NOX4: variants seen among roughly 807,000 people sequenced by gnomAD.
NOX4 encodes the protein kidney oxidase-1.
Under a neutral mutation model 87.6 loss-of-function variants are expected in NOX4, and 69 were observed. The ratio of observed to expected loss-of-function variants is 0.79; its 90% CI spans 0.65 to 0.96. The LOEUF (loss-of-function observed/expected upper bound fraction) is 0.96, where lower values mean the gene tolerates loss of function less well. NOX4 is among the 40% of genes least tolerant of loss of function. The pLI is 0.00. For missense variants in NOX4, 680 were observed against 681.5 expected (o/e 1.00, Z 0.02); for synonymous variants, 275 against 238.2 (o/e 1.15, Z -1.42).
chr11:89,446,297 G>GT (rs1944701905), intron 4 of NOX4, among the ~76,000 whole-genome samples: 1 of 152,060 alleles, frequency 6.6e-6, no homozygotes, highest in Non-Finnish European at 1.5e-5. Context: ...TATTGGAAGT[G>GT]AGTTTGGTGG....
intron 12 of NOX4, among the ~76,000 whole-genome samples, chr11:89,359,881 A>C (rs1022499144): frequency 2.6e-5 from 4 of 152,102 alleles, no homozygotes; most frequent in Admixed American, 2.6e-4. Context: ...CTTGAACAGA[A>C]GTTCTTTGCA....
At chr11:89,503,218 A>G in the NOX4 span, among the ~76,000 whole-genome samples, 1 of 151,974 alleles carries the variant, frequency 6.6e-6, no homozygotes, top group Non-Finnish European at 1.5e-5. Context: ...CAAATGCTAT[A>G]CTACTGATAT....
intron 11 of NOX4, among the ~76,000 whole-genome samples, chr11:89,378,739 G>T (rs940952568): frequency 2.6e-5 from 4 of 152,074 alleles, no homozygotes; most frequent in African/African-American, 9.7e-5. Flanking sequence ...AGCTCTTCGA[G>T]AATTTATTTA....
upstream of NOX4, among the ~76,000 whole-genome samples, chr11:89,500,823 A>T (rs1947008581): frequency 6.6e-6 from 1 of 152,138 alleles, no homozygotes; most frequent in African/African-American, 2.4e-5. Context: ...TATGAGAAAT[A>T]AACTGCTTTA....
At chr11:89,518,111 T>C in the NOX4 span, among the ~76,000 whole-genome samples, 1 of 152,090 alleles carries the variant, frequency 6.6e-6, no homozygotes, top group Non-Finnish European at 1.5e-5. Flanking sequence ...CTAGGGTTTT[T>C]CAACTTTGAA....
intron 13 of NOX4, 67 bp from the exon 14 acceptor site, chr11:89,342,260 T>C: frequency 7.0e-7 from 1 of 1,425,234 alleles, no homozygotes; most frequent in African/African-American, 1.4e-5. Flanking sequence ...CTGTACCATA[T>C]AGCAAACATG....
At chr11:89,566,719 G>C in the NOX4 span, among the ~76,000 whole-genome samples, 3 of 152,170 alleles carry the variant, frequency 2.0e-5, no homozygotes, top group African/African-American at 7.2e-5. Context: ...AAATCATTAA[G>C]AGTGGAAAAA....
chr11:89,515,278 G>T, the NOX4 span, among the ~76,000 whole-genome samples: 1 of 151,790 alleles, frequency 6.6e-6, no homozygotes, highest in African/African-American at 2.4e-5. Context: ...AATTTTTTTA[G>T]CGTGAGTTTT....
intron 12 of NOX4, among the ~76,000 whole-genome samples, chr11:89,358,584 A>C (rs1209448940): frequency 6.6e-6 from 1 of 151,588 alleles, no homozygotes; most frequent in Admixed American, 6.6e-5. Flanking sequence ...TCTTTATAAA[A>C]ATAGATAAAT....
chr11:89,569,267 A>G, the NOX4 span, among the ~76,000 whole-genome samples: 1 of 152,142 alleles, frequency 6.6e-6, no homozygotes, highest in East Asian at 1.9e-4. Context: ...GAGTAAATTG[A>G]AAGAAACCTA....
At chr11:89,444,348 C>T (rs1447862854) in intron 4 of NOX4, 116 bp from the exon 5 acceptor site, 4 of 732,022 alleles carry the variant, frequency 5.5e-6, no homozygotes, top group Non-Finnish European at 9.1e-6. Flanking sequence ...GCTATGTGGA[C>T]AATGAAATAT....
intron 2 of NOX4, among the ~76,000 whole-genome samples, chr11:89,467,751 G>A (rs182877027): frequency 2.0e-3 from 312 of 152,286 alleles, no homozygotes; most frequent in African/African-American, 7.2e-3. Flanking sequence ...ATTTTGGGGG[G>A]ACACAAATAT....
intron 3 of NOX4, among the ~76,000 whole-genome samples, chr11:89,451,308 A>C (rs973012315): frequency 1.3e-5 from 2 of 152,190 alleles, no homozygotes; most frequent in Non-Finnish European, 2.9e-5. Context: ...CAATCATTTC[A>C]TGTATTGCTC....
At chr11:89,469,214 A>G (rs566369978) in intron 2 of NOX4, among the ~76,000 whole-genome samples, 2 of 152,338 alleles carry the variant, frequency 1.3e-5, no homozygotes, top group South Asian at 2.1e-4. Flanking sequence ...TTAAGGGAAC[A>G]TAAGATGATA....
intron 7 of NOX4, among the ~76,000 whole-genome samples, chr11:89,422,358 C>G (rs1467856664): frequency 1.3e-5 from 2 of 152,120 alleles, no homozygotes; most frequent in Non-Finnish European, 2.9e-5. Context: ...ACAACCAAAG[C>G]TCCTCTTTCA....
chr11:89,421,579 T>G (rs537329804), intron 8 of NOX4, among the ~76,000 whole-genome samples: 1 of 152,306 alleles, frequency 6.6e-6, no homozygotes, highest in African/African-American at 2.4e-5. Flanking sequence ...TACTAAAATA[T>G]ATTCCTGATG....
intron 2 of NOX4, among the ~76,000 whole-genome samples, chr11:89,452,355 T>C (rs1944999827): frequency 6.6e-6 from 1 of 152,096 alleles, no homozygotes; most frequent in Admixed American, 6.6e-5. Context: ...ACCCACCCAT[T>C]TACACACCAC....
At chr11:89,426,444 G>A (rs993807707) in intron 7 of NOX4, among the ~76,000 whole-genome samples, 102 of 152,094 alleles carry the variant, frequency 6.7e-4, no homozygotes, top group African/African-American at 2.2e-3. Flanking sequence ...CCTGGGAAGC[G>A]CAAGGGGTCA....
At chr11:89,500,425 G>A (rs118045980), upstream of NOX4, among the ~76,000 whole-genome samples, 4,199 of 152,156 alleles carry the variant, frequency 0.028, 98 homozygotes, top group Middle Eastern at 0.051. Flanking sequence ...TTTCACTGGA[G>A]GAGCACATAG....
Sources: allele counts gnomAD v4.1 joint callset (sites outside exome capture counted in the v4.1 genomes callset), GRCh38; gene constraint gnomAD v4.1.1; transcripts MANE v1.5; gene names NCBI Gene and HGNC (gene_info 2026-07-23, HGNC 2026-07-21).